The following TAF2 variants were observed in gnomAD, a reference collection of about 807,000 sequenced individuals.
TAF2 encodes the protein transcription initiation factor TFIID subunit 2.
In TAF2, 61 loss-of-function variants were observed where a neutral mutation model predicts 138.5. That is an observed-to-expected ratio of 0.44 (90% CI 0.36 to 0.54). TAF2 has a LOEUF of 0.54. Ranked by LOEUF, TAF2 falls within the 20% of genes least tolerant of loss-of-function variation. The pLI is 0.00. For synonymous variants in TAF2, 475 were observed against 469.9 expected, an observed-to-expected ratio of 1.01 and a Z score of -0.14; for missense variants, 1,090 against 1,427.9, an observed-to-expected ratio of 0.76 and a Z score of 3.81.
chr8:119,821,282 C>G (rs1825790240), intron 2 of TAF2, among the ~76,000 whole-genome samples: 1 of 152,218 alleles, frequency 6.6e-6, no homozygotes, highest in Admixed American at 6.5e-5. Context: ...CCTCTCGGGT[C>G]ATCTAGCTTC....
chr8:119,794,308 A>C (rs1253814077), intron 9 of TAF2, among the ~76,000 whole-genome samples: 4 of 151,808 alleles, frequency 2.6e-5, no homozygotes, highest in Admixed American at 6.6e-5. Context: ...AGGTGGAAGA[A>C]TCGCTTAAGC....
intron 25 of TAF2, 80 bp downstream of exon 25, chr8:119,742,454 A>T: frequency 6.5e-7 from 1 of 1,548,642 alleles, no homozygotes; most frequent in Non-Finnish European, 8.8e-7. Context: ...AGGGTTTTTT[A>T]AAGTTGATGA....
At chr8:119,808,552 T>C (rs1029782415) in intron 3 of TAF2, among the ~76,000 whole-genome samples, 3 of 152,190 alleles carry the variant, frequency 2.0e-5, no homozygotes, top group Non-Finnish European at 4.4e-5. Context: ...GGTGAATCCT[T>C]TTCAGGGTTT....
chr8:119,749,316 C>T (rs1345916185), intron 22 of TAF2, among the ~76,000 whole-genome samples: 1 of 152,094 alleles, frequency 6.6e-6, no homozygotes, highest in African/African-American at 2.4e-5. Context: ...GGAATGAACA[C>T]CACTGTTTTG....
At chr8:119,824,531 A>T (rs1263653442) in intron 2 of TAF2, among the ~76,000 whole-genome samples, 2 of 152,152 alleles carry the variant, frequency 1.3e-5, no homozygotes, top group Admixed American at 1.3e-4. Flanking sequence ...GTTAATCCCC[A>T]AGAAAATGGG....
chr8:119,818,813 A>G (rs4871642), intron 3 of TAF2, among the ~76,000 whole-genome samples: 41,222 of 151,826 alleles, frequency 0.27, 6,862 homozygotes, highest in Admixed American at 0.46. Flanking sequence ...CATAAAACTG[A>G]TAACAGCAAT....
chr8:119,745,469 CAAAT>C (rs1178661897), intron 23 of TAF2, among the ~76,000 whole-genome samples: 2 of 151,736 alleles, frequency 1.3e-5, no homozygotes, highest in East Asian at 3.9e-4. Context: ...AAATTGACAA[CAAAT>C]AAGTATGATG....
intron 23 of TAF2, chr8:119,744,662 T>A (rs1294482579): frequency 2.1e-6 from 1 of 473,420 alleles, no homozygotes; most frequent in African/African-American, 2.0e-5. Flanking sequence ...TGAGTTGTGG[T>A]GGAACGTGCA....
intron 25 of TAF2, among the ~76,000 whole-genome samples, chr8:119,740,662 CAA>C (rs773347068): frequency 5.8e-5 from 3 of 51,520 alleles, no homozygotes; most frequent in Non-Finnish European, 1.2e-4. Context: ...GAGACTGTCT[CAA>C]AAAAAAAAAA....
intron 3 of TAF2, among the ~76,000 whole-genome samples, chr8:119,812,877 C>A (rs890800552): frequency 6.6e-6 from 1 of 152,070 alleles, no homozygotes; most frequent in Non-Finnish European, 1.5e-5. Context: ...GGTTCCATAT[C>A]TTTGCAATTG....
chr8:119,763,641 AC>A (rs1360463040), intron 18 of TAF2, among the ~76,000 whole-genome samples: 1 of 151,858 alleles, frequency 6.6e-6, no homozygotes, highest in Non-Finnish European at 1.5e-5. Flanking sequence ...GAGGCATGAG[AC>A]TCACTTGAAC....
Position 119,831,768 on chromosome 8 carries a change from A to C in TAF2, c.84-37T>G, listed in dbSNP as rs774496017. ...AATATAAAAAGAAAATAAGGAAAAA[A>C]TAATTTTTATTATTAAATCAAAGTA... On this transcript the variant is annotated intron_variant, in intron 1 of 25. Coordinates refer to ENST00000378164, the MANE Select transcript of TAF2 (RefSeq NM_003184.4). 8 of 1,327,442 alleles carry C rather than the reference A, an allele frequency of 6.0e-6. No homozygotes were observed. In the South Asian group the frequency reaches 1.0e-4, roughly 17 times the overall value. 82.2% of individuals were successfully genotyped at this position (1,327,442 alleles called of 1,614,324 possible).
intron 22 of TAF2, among the ~76,000 whole-genome samples, chr8:119,755,667 A>G (rs889590332): frequency 2.6e-5 from 4 of 152,140 alleles, no homozygotes; most frequent in African/African-American, 9.6e-5. Context: ...AAAGGCCACT[A>G]GATGGCCAGG....
chr8:119,799,584 C>T (rs181180038), intron 6 of TAF2, among the ~76,000 whole-genome samples: 1 of 152,290 alleles, frequency 6.6e-6, no homozygotes, highest in African/African-American at 2.4e-5. Context: ...CAAGTCTTTG[C>T]TATTGTGAAT....
chr8:119,773,041 G>C (rs1821960655), intron 18 of TAF2, among the ~76,000 whole-genome samples: 1 of 148,134 alleles, frequency 6.8e-6, no homozygotes, highest in South Asian at 2.1e-4. Context: ...CTCAATAAGT[G>C]AACATCAGAA....
At chr8:119,824,215 G>A (rs544790364) in intron 2 of TAF2, among the ~76,000 whole-genome samples, 1 of 152,178 alleles carries the variant, frequency 6.6e-6, no homozygotes, top group South Asian at 2.1e-4. Flanking sequence ...TGGATCACGA[G>A]GTCAGGAGTT....
chr8:119,823,460 C>T (rs1255618876), intron 2 of TAF2, among the ~76,000 whole-genome samples: 6 of 151,522 alleles, frequency 4.0e-5, no homozygotes, highest in South Asian at 2.1e-4. Context: ...GTTTGAAAAA[C>T]GGGAATTTTT....
chr8:119,748,910 T>C (rs1488935955), intron 22 of TAF2, among the ~76,000 whole-genome samples: 2 of 140,066 alleles, frequency 1.4e-5, no homozygotes, highest in Non-Finnish European at 3.2e-5. Flanking sequence ...TTAGGCATTT[T>C]ATCAGTTAAA....
rs75485144 is a variant in TAF2, at chr8:119,807,537, G to A, written c.300-1136C>T. Among the ~76,000 whole-genome samples, 36 of 152,340 alleles carry A rather than the reference G, an allele frequency of 2.4e-4. No homozygotes were observed. The East Asian group carries it at 6.6e-3, about 28-fold the overall frequency. On this transcript the variant is annotated intron_variant, in intron 3 of 25. Transcript: ENST00000378164. ...AAACACCATGGACCACATCCTCGTT[G>A]TACACCTTTATGTCTGCCATCCTGC...
Sources: gnomAD v4.1 joint callset for allele counts (sites outside exome capture counted in the v4.1 genomes callset) on GRCh38, gnomAD v4.1.1 for gene constraint, MANE v1.5 for transcripts, NCBI Gene and HGNC (gene_info 2026-07-23, HGNC 2026-07-21) for gene names.